The following PPM1E variants were observed in gnomAD, a reference collection of about 807,000 sequenced individuals.
The protein encoded by PPM1E is protein phosphatase, Mg2+/Mn2+ dependent 1E, also known as protein phosphatase 1E.
In PPM1E, 20 loss-of-function variants were observed where a neutral mutation model predicts 65.9. The observed-to-expected ratio is 0.30, with a 90% confidence interval of 0.21 to 0.44. The LOEUF (loss-of-function observed/expected upper bound fraction) is 0.44. Among genes scored for constraint, PPM1E ranks in the 20% least tolerant of loss-of-function variants. The pLI, the probability that PPM1E is intolerant of heterozygous loss-of-function variation, is 1.00. For missense variants in PPM1E, 713 were observed against 953.1 expected (o/e 0.75, Z 3.32); for synonymous variants, 352 against 374.9 (o/e 0.94, Z 0.70).
At chr17:58,787,598 C>T (rs1025027002) in intron 1 of PPM1E, among the ~76,000 whole-genome samples, 1 of 151,954 alleles carries the variant, frequency 6.6e-6, no homozygotes, top group South Asian at 2.1e-4. Flanking sequence ...GAAGTTGTTT[C>T]ACTTATGAGT....
chr17:58,790,811 C>T (rs139333236), intron 1 of PPM1E, among the ~76,000 whole-genome samples: 1 of 152,274 alleles, frequency 6.6e-6, no homozygotes, highest in African/African-American at 2.4e-5. Flanking sequence ...ATGCCCCCTA[C>T]TGTCTTACTG....
intron 1 of PPM1E, among the ~76,000 whole-genome samples, chr17:58,936,688 G>A (rs144051059): frequency 8.3e-4 from 127 of 152,212 alleles, no homozygotes; most frequent in African/African-American, 2.9e-3. Flanking sequence ...GTCTTAAAAT[G>A]TATATTGTCT....
intron 1 of PPM1E, among the ~76,000 whole-genome samples, chr17:58,939,948 A>G (rs115414412): frequency 0.014 from 2,138 of 152,260 alleles, 47 homozygotes; most frequent in African/African-American, 0.048. Flanking sequence ...TTTGACTTGG[A>G]CACAGAGTCC....
chr17:58,840,269 G>C (rs1475576080), intron 1 of PPM1E, among the ~76,000 whole-genome samples: 1 of 152,170 alleles, frequency 6.6e-6, no homozygotes, highest in African/African-American at 2.4e-5. Flanking sequence ...TGGTCATATA[G>C]ACATGATTGA....
intron 1 of PPM1E, among the ~76,000 whole-genome samples, chr17:58,925,471 C>T (rs146897464): frequency 0.02 from 3,060 of 152,008 alleles, 59 homozygotes; most frequent in Non-Finnish European, 0.026. Flanking sequence ...GAGGGAGTCT[C>T]GCTCTGTCAC....
chr17:58,896,008 G>A (rs2051409642), intron 1 of PPM1E, among the ~76,000 whole-genome samples: 1 of 150,886 alleles, frequency 6.6e-6, no homozygotes, highest in South Asian at 2.1e-4. Flanking sequence ...CCAGCTACTT[G>A]GGAGGCTGAG....
chr17:58,885,125 C>G (rs780435516), intron 1 of PPM1E, among the ~76,000 whole-genome samples: 2 of 152,082 alleles, frequency 1.3e-5, no homozygotes, highest in Non-Finnish European at 2.9e-5. Context: ...GGCGTGATCT[C>G]GGCTCACTGC....
chr17:58,891,274 A>G (rs547990588), intron 1 of PPM1E, among the ~76,000 whole-genome samples: 3 of 152,216 alleles, frequency 2.0e-5, no homozygotes, highest in Non-Finnish European at 4.4e-5. Context: ...GTGAAATTAA[A>G]TAAATTTTAA....
intron 1 of PPM1E, among the ~76,000 whole-genome samples, chr17:58,876,317 GTAT>G (rs1377597920): frequency 6.6e-6 from 1 of 151,982 alleles, no homozygotes; most frequent in Non-Finnish European, 1.5e-5. Flanking sequence ...TATTTTCTTT[GTAT>G]TAATAGGCAG....
intron 6 of PPM1E, among the ~76,000 whole-genome samples, chr17:58,976,771 A>G (rs1567897921): frequency 6.6e-6 from 1 of 152,206 alleles, no homozygotes; most frequent in Non-Finnish European, 1.5e-5. Flanking sequence ...TTTTCTCTGT[A>G]CAAATCTTTG....
intron 1 of PPM1E, among the ~76,000 whole-genome samples, chr17:58,895,398 T>A (rs1334653723): frequency 1.3e-5 from 2 of 152,166 alleles, no homozygotes; most frequent in East Asian, 1.9e-4. Context: ...GAGGAAAACA[T>A]GTCAAAATCC....
intron 1 of PPM1E, among the ~76,000 whole-genome samples, chr17:58,953,304 A>G (rs560821764): frequency 1.8e-4 from 27 of 152,372 alleles, no homozygotes; most frequent in African/African-American, 6.5e-4. Context: ...TACAAGAAGC[A>G]TGGCACCAGC....
chr17:58,875,561 G>T (rs2051118807), intron 1 of PPM1E, among the ~76,000 whole-genome samples: 1 of 152,150 alleles, frequency 6.6e-6, no homozygotes, highest in Admixed American at 6.5e-5. Context: ...AGTTCAATTT[G>T]TTAAGAGTTT....
chr17:58,844,021 A>G (rs1000342416), intron 1 of PPM1E, among the ~76,000 whole-genome samples: 1 of 152,196 alleles, frequency 6.6e-6, no homozygotes, highest in Admixed American at 6.6e-5. Flanking sequence ...ATACCTTTCT[A>G]TACGTCATAT....
intron 1 of PPM1E, among the ~76,000 whole-genome samples, chr17:58,874,791 T>A (rs2051110820): frequency 6.6e-6 from 1 of 152,164 alleles, no homozygotes; most frequent in South Asian, 2.1e-4. Flanking sequence ...ACATTGCAAT[T>A]TTCTATAGAG....
intron 1 of PPM1E, among the ~76,000 whole-genome samples, chr17:58,816,483 C>G (rs2050415912): frequency 6.6e-6 from 1 of 151,344 alleles, no homozygotes; most frequent in Non-Finnish European, 1.5e-5. Context: ...TCACCACCAT[C>G]CATCTCCAAA....
intron 1 of PPM1E, among the ~76,000 whole-genome samples, chr17:58,930,253 A>G (rs2051876179): frequency 7.4e-6 from 1 of 135,548 alleles, no homozygotes; most frequent in African/African-American, 2.8e-5. Flanking sequence ...ATGTATATAC[A>G]CACACACACA....
At chr17:58,894,317 T>C (rs2051385327) in intron 1 of PPM1E, among the ~76,000 whole-genome samples, 1 of 152,058 alleles carries the variant, frequency 6.6e-6, no homozygotes, top group Admixed American at 6.6e-5. Flanking sequence ...TTTTAAAAAA[T>C]TGATTCAAGA....
chr17:58,917,717 T>G lies in PPM1E; in HGVS notation c.465-37932T>G, dbSNP rs142342697. The stretch of plus-strand genomic sequence containing the variant: ...GCCAACTATTTCTTCTCCTCATTAT[T>G]AGAATAGTACATACTTTGTACTGTT... On this transcript the variant is annotated intron_variant, in intron 1 of 6. Coordinates refer to ENST00000308249, the MANE Select transcript of PPM1E (RefSeq NM_014906.5). Among the ~76,000 whole-genome samples the G allele has an allele frequency of 4.1e-4, 63 of 152,350 alleles. 2 individuals carry two copies. The East Asian group carries it at 0.012, about 28-fold the overall frequency.
Sources: gnomAD v4.1 joint callset for allele counts (sites outside exome capture counted in the v4.1 genomes callset) on GRCh38, gnomAD v4.1.1 for gene constraint, MANE v1.5 for transcripts, NCBI Gene and HGNC (gene_info 2026-07-23, HGNC 2026-07-21) for gene names.